Variants in GUCY1A2 observed in about 807,000 individuals in gnomAD.
GUCY1A2 encodes the protein guanylate cyclase 1 soluble subunit alpha 2, also known as guanylate cyclase soluble subunit alpha-2.
Under a neutral mutation model 63.5 loss-of-function variants are expected in GUCY1A2, and 27 were observed. The observed-to-expected ratio is 0.43, with a 90% confidence interval of 0.31 to 0.59. The LOEUF (loss-of-function observed/expected upper bound fraction) is 0.59. Among genes scored for constraint, GUCY1A2 ranks in the 20% least tolerant of loss-of-function variants. The probability of loss-of-function intolerance (pLI) is 0.11; values close to 1 mark genes in which losing one functional copy is unlikely to be tolerated. For missense variants in GUCY1A2, 768 were observed against 913.3 expected, an observed-to-expected ratio of 0.84 and a Z score of 2.05; for synonymous variants, 364 against 343.5, an observed-to-expected ratio of 1.06 and a Z score of -0.66.
chr11:106,718,458 T>C (rs1276961716), intron 6 of GUCY1A2, among the ~76,000 whole-genome samples: 1 of 152,106 alleles, frequency 6.6e-6, no homozygotes, highest in Non-Finnish European at 1.5e-5. Flanking sequence ...TGTGGGGATA[T>C]AGCAATATGG....
In GUCY1A2 at chr11:106,873,620, AT is replaced by A. The variant is rs537283418; in HGVS notation, c.1207-63143del. Reference sequence around the variant, plus strand: ...TGCCCACTTTTTCATGGGGTTGTCCATTTTTTTCTTGTAAATTTGTTTAATT... The same window carrying A: ...TGCCCACTTTTTCATGGGGTTGTCCATTTTTTCTTGTAAATTTGTTTAATT... On this transcript the variant is annotated intron_variant, in intron 4 of 7. Transcript: ENST00000526355. 2.5e-3 allele frequency among the ~76,000 whole-genome samples: 381 copies of A among 151,416 alleles called. 2 individuals carry two copies. Among genetic ancestry groups the A allele is most frequent in the African/African-American group, 8.7e-3 (361 of 41,364 alleles).
At chr11:106,863,735 A>G (rs1859547632) in intron 4 of GUCY1A2, among the ~76,000 whole-genome samples, 1 of 152,016 alleles carries the variant, frequency 6.6e-6, no homozygotes, top group South Asian at 2.1e-4. Context: ...CAGTATGGCC[A>G]TTTTCATGAT....
At chr11:106,913,810 C>T (rs1860328328) in intron 4 of GUCY1A2, among the ~76,000 whole-genome samples, 1 of 151,604 alleles carries the variant, frequency 6.6e-6, no homozygotes, top group Non-Finnish European at 1.5e-5. Flanking sequence ...TAATTAAATG[C>T]CAAAGAGATT....
At chr11:106,731,418 C>T (rs2220375) in intron 6 of GUCY1A2, among the ~76,000 whole-genome samples, 94,924 of 152,008 alleles carry the variant, frequency 0.62, 29,991 homozygotes, top group East Asian at 0.89. Context: ...GACAAATCCA[C>T]AATCAACATC....
intron 6 of GUCY1A2, among the ~76,000 whole-genome samples, chr11:106,725,584 G>A (rs1002770300): frequency 9.2e-5 from 14 of 151,954 alleles, no homozygotes; most frequent in South Asian, 2.1e-4. Flanking sequence ...ATTTAATCAC[G>A]TAAAGTTATT....
chr11:106,943,254 C>T (rs983897025), intron 3 of GUCY1A2, among the ~76,000 whole-genome samples: 2 of 152,170 alleles, frequency 1.3e-5, no homozygotes, highest in African/African-American at 4.8e-5. Flanking sequence ...GTTCCGCCTA[C>T]GATTGACGCA....
chr11:106,867,226 T>C (rs891283158), intron 4 of GUCY1A2, among the ~76,000 whole-genome samples: 4 of 152,052 alleles, frequency 2.6e-5, no homozygotes, highest in African/African-American at 9.7e-5. Flanking sequence ...TAAAACACTG[T>C]CCAAAGTATA....
intron 4 of GUCY1A2, 42 bp downstream of exon 4, chr11:106,939,418 C>A: frequency 1.1e-6 from 1 of 947,658 alleles, no homozygotes; most frequent in South Asian, 1.6e-5. Flanking sequence ...TAATTATCCA[C>A]TCTTCTAGTT....
At chr11:106,788,063 TG>T (rs1864596478) in intron 5 of GUCY1A2, among the ~76,000 whole-genome samples, 1 of 152,182 alleles carries the variant, frequency 6.6e-6, no homozygotes, top group African/African-American at 2.4e-5. Context: ...ACCTGTCTCT[TG>T]GGATAAAAGC....
chr11:106,985,424 C>T (rs965584357), intron 2 of GUCY1A2, among the ~76,000 whole-genome samples: 3 of 152,164 alleles, frequency 2.0e-5, no homozygotes, highest in Non-Finnish European at 4.4e-5. Flanking sequence ...TTACAAAATG[C>T]TTTCATTGAA....
At chr11:106,893,347 A>T (rs1181965746) in intron 4 of GUCY1A2, among the ~76,000 whole-genome samples, 7 of 152,226 alleles carry the variant, frequency 4.6e-5, no homozygotes, top group Admixed American at 6.5e-5. Flanking sequence ...CAAAATGTAC[A>T]AAATTTCATG....
chr11:106,681,771 AAGCTTC>A lies in GUCY1A2; in HGVS notation c.*5772_*5777del. On this transcript the variant is annotated 3_prime_UTR_variant, in exon 8 of 8. Transcript: ENST00000526355. ...GGCTCTATGAAATGCAAAGAAGTGC[AAGCTTC>A]ATATGGCATCATCACCATGGCTTAA... 1 of 219,510 alleles carries A rather than the reference AAGCTTC, an allele frequency of 4.6e-6. No individual in the cohort carries two copies. Among genetic ancestry groups the A allele is most frequent in the East Asian group, 6.7e-5 (1 of 14,924 alleles). 13.6% of individuals were successfully genotyped at this position (219,510 alleles called of 1,614,324 possible).
chr11:106,747,239 C>T (rs1210952034), intron 6 of GUCY1A2, among the ~76,000 whole-genome samples: 3 of 152,202 alleles, frequency 2.0e-5, no homozygotes, highest in African/African-American at 2.4e-5. Context: ...CTGCCCGCCT[C>T]GGCCTGCCAA....
chr11:106,957,610 G>C (rs1861004113), intron 3 of GUCY1A2, among the ~76,000 whole-genome samples: 2 of 151,982 alleles, frequency 1.3e-5, no homozygotes, highest in South Asian at 4.2e-4. Context: ...GGTCAGGCCA[G>C]CCTTCTTGTC....
intron 4 of GUCY1A2, among the ~76,000 whole-genome samples, chr11:106,932,592 T>C (rs753559368): frequency 7.9e-5 from 12 of 152,148 alleles, no homozygotes; most frequent in Non-Finnish European, 1.6e-4. Context: ...GATACCATCA[T>C]TATTTTTCAC....
chr11:106,835,190 C>A (rs1485141304), intron 4 of GUCY1A2, among the ~76,000 whole-genome samples: 1 of 151,392 alleles, frequency 6.6e-6, no homozygotes, highest in Non-Finnish European at 1.5e-5. Flanking sequence ...AATGACATCA[C>A]AAAATACAAT....
chr11:106,875,907 T>G (rs1202208304), intron 4 of GUCY1A2, among the ~76,000 whole-genome samples: 1 of 151,680 alleles, frequency 6.6e-6, no homozygotes, highest in East Asian at 1.9e-4. Context: ...ACTCTGACGT[T>G]AAATATAATG....
intron 6 of GUCY1A2, among the ~76,000 whole-genome samples, chr11:106,719,868 TAATC>T (rs1314625006): frequency 1.3e-5 from 2 of 152,240 alleles, no homozygotes; most frequent in Non-Finnish European, 2.9e-5. Context: ...TATTCACAAA[TAATC>T]AATACTGCAG....
chr11:106,979,226 CG>C (rs1861302106), intron 2 of GUCY1A2, among the ~76,000 whole-genome samples: 1 of 152,042 alleles, frequency 6.6e-6, no homozygotes, highest in South Asian at 2.1e-4. Context: ...GAGGCCCAGG[CG>C]GGCAGATCAC....
Sources: gnomAD v4.1 joint callset for allele counts (sites outside exome capture counted in the v4.1 genomes callset) on GRCh38, gnomAD v4.1.1 for gene constraint, MANE v1.5 for transcripts, NCBI Gene and HGNC (gene_info 2026-07-23, HGNC 2026-07-21) for gene names.